HSPA4: variants seen among roughly 807,000 people sequenced by gnomAD.
The protein encoded by HSPA4 is heat shock 70 kDa protein 4.
HSPA4 carries 25 observed loss-of-function variants against 106.2 expected under a neutral mutation model. The ratio of observed to expected loss-of-function variants is 0.24; its 90% confidence interval spans 0.17 to 0.33. HSPA4 has a LOEUF of 0.33. Among genes scored for constraint, HSPA4 ranks in the 10% least tolerant of loss-of-function variants. The pLI is 1.00. For synonymous variants in HSPA4, 332 were observed against 333.6 expected (o/e 1.00, Z 0.05); for missense variants, 841 against 996.0 (o/e 0.84, Z 2.10).
Position 133,067,523 on chromosome 5 carries a change from T to A in HSPA4, c.272T>A (p.Ile91Asn), listed in dbSNP as rs143398800. The part of the protein sequence containing the change: ...EAEKSNLAYD[I>N]VQLPTGLTGI... Reference sequence around the variant, plus strand: ...GAAAAATCTAACCTTGCATATGATATTGTGCAGTTGCCTACAGGATTAACA... The same window carrying A: ...GAAAAATCTAACCTTGCATATGATAATGTGCAGTTGCCTACAGGATTAACA... The change falls in exon 3 of 19, where the codon ATT (isoleucine) becomes AAT (asparagine). Residue 91 changes from isoleucine (I) to asparagine (N), a missense_variant. Transcript: ENST00000304858. The A allele has an allele frequency of 1.2e-6, 2 of 1,613,776 alleles. No individual in the cohort carries two copies. Among genetic ancestry groups the A allele is most frequent in the Non-Finnish European group, 1.7e-6 (2 of 1,179,680 alleles).
intron 1 of HSPA4, among the ~76,000 whole-genome samples, chr5:133,053,516 TTTTA>T (rs2126689646): frequency 6.6e-6 from 1 of 151,926 alleles, no homozygotes; most frequent in African/African-American, 2.4e-5. Context: ...GCTTGGCTAA[TTTTA>T]TTTATTTTTA....
In HSPA4 at chr5:133,074,075, C is replaced by T; in HGVS notation, c.612C>T (p.Gly204=). Residue 204 remains glycine, a synonymous_variant, in exon 6 of 19, where the codon GGC becomes GGT. Transcript: ENST00000304858. The part of the protein sequence containing the change: ...KPRNVVFVDM[G]HSAYQVSVCA... ...GAAATGTAGTTTTTGTAGACATGGG[C>T]CACTCTGCTTATCAAGTTTCTGTAT... The T allele has an allele frequency of 6.2e-7, 1 of 1,605,564 alleles. No homozygotes were observed. Among genetic ancestry groups the T allele is most frequent in the Non-Finnish European group, 8.5e-7 (1 of 1,175,326 alleles).
chr5:133,057,407 G>A (rs1286240185), intron 1 of HSPA4, among the ~76,000 whole-genome samples: 5 of 149,280 alleles, frequency 3.3e-5, no homozygotes, highest in Non-Finnish European at 7.4e-5. Flanking sequence ...TGCTCAGGCT[G>A]GAGTGCAATG....
chr5:133,097,605 G>A (rs62375243), intron 15 of HSPA4, among the ~76,000 whole-genome samples: 36,792 of 146,388 alleles, frequency 0.25, 4,838 homozygotes, highest in African/African-American at 0.29. Context: ...CTGGAGTGCA[G>A]TGGCGTGATC....
intron 6 of HSPA4, among the ~76,000 whole-genome samples, chr5:133,074,813 C>T (rs1765427246): frequency 6.6e-6 from 1 of 152,208 alleles, no homozygotes; most frequent in Non-Finnish European, 1.5e-5. Flanking sequence ...TGATTGATCT[C>T]TGTCATAGTT....
Position 133,104,243 on chromosome 5 carries a change from G to C in HSPA4, c.2330G>C (p.Ser777Thr). 6.2e-7 allele frequency: 1 copy of C among 1,613,888 alleles called. No individual in the cohort carries two copies. Among genetic ancestry groups the C allele is most frequent in the Non-Finnish European group, 8.5e-7 (1 of 1,179,860 alleles). The change falls in exon 19 of 19, where the codon AGT (serine) becomes ACT (threonine). Residue 777 changes from serine to threonine, a missense_variant. Ser to Thr is a moderately conservative substitution (Grantham distance 58, BLOSUM62 1). Transcript: ENST00000304858. ...EIEAKIKELTSTCSPIISKPK... is the reference protein window; with the variant it reads ...EIEAKIKELTTTCSPIISKPK... ...TCTTACCCATTCCAGGAGCTGACAA[G>C]TACTTGTAGCCCTATAATTTCAAAG...
At chr5:133,083,282 A>T (rs76495289) in intron 7 of HSPA4, among the ~76,000 whole-genome samples, 36,123 of 151,906 alleles carry the variant, frequency 0.24, 4,439 homozygotes, top group Middle Eastern at 0.26. Context: ...ACTGCACTCC[A>T]GCCTGGGTGA....
rs1472292095 is a variant in HSPA4 at position 133,064,967 on chromosome 5, T to C, written c.108-13T>C. On this transcript the variant is annotated splice_polypyrimidine_tract_variant and intron_variant, in intron 1 of 18. Coordinates refer to ENST00000304858, the MANE Select transcript of HSPA4 (RefSeq NM_002154.4). ...GTAAGATTTAATTCTTAAGTGCTTT[T>C]TTTGTCTTCTAGGGCTTGCATTTCT... The C allele has an allele frequency of 2.5e-6, 4 of 1,611,298 alleles. No individual in the cohort carries two copies. The highest frequency in any genetic ancestry group is 3.4e-6 in the Non-Finnish European group (4 of 1,178,616).
At chr5:133,066,145 T>C (rs534295129) in intron 2 of HSPA4, among the ~76,000 whole-genome samples, 19 of 152,344 alleles carry the variant, frequency 1.2e-4, no homozygotes, top group African/African-American at 4.6e-4. Context: ...TTTTCATGAT[T>C]GAGAGACAGT....
intron 17 of HSPA4, among the ~76,000 whole-genome samples, chr5:133,103,235 G>A (rs374171696): frequency 1.3e-4 from 20 of 151,812 alleles, no homozygotes; most frequent in African/African-American, 4.8e-4. Flanking sequence ...GCTAATTTTT[G>A]TATTTTTTGT....
intron 7 of HSPA4, 65 bp from the exon 8 acceptor site, chr5:133,086,717 A>G: frequency 8.9e-7 from 1 of 1,120,442 alleles, no homozygotes; most frequent in Non-Finnish European, 1.4e-6. Context: ...ATAGCCATCC[A>G]TTCCACATAA....
chr5:133,077,050 T>G lies in HSPA4; in HGVS notation c.908+152T>G. ...TTAGAAGCCATTCAGGACCCTGCTTTTTATGTAAAGTTGGGTCTGGTTAAT... is the reference window on the plus strand; with the variant it reads ...TTAGAAGCCATTCAGGACCCTGCTTGTTATGTAAAGTTGGGTCTGGTTAAT... On this transcript the variant is annotated intron_variant, in intron 7 of 18. Coordinates refer to ENST00000304858, the MANE Select transcript of HSPA4 (RefSeq NM_002154.4). 4.6e-6 allele frequency: 3 copies of G among 655,434 alleles called. No individual in the cohort carries two copies. The South Asian group carries it at 6.5e-5, about 14-fold the overall frequency. The allele number at this position is 655,434 out of a possible 1,614,324, so 40.6% of individuals were successfully genotyped here.
intron 7 of HSPA4, among the ~76,000 whole-genome samples, chr5:133,082,394 A>G (rs1326083740): frequency 6.6e-6 from 1 of 152,208 alleles, no homozygotes; most frequent in Non-Finnish European, 1.5e-5. Context: ...TATACTTTAA[A>G]AATATTTTTG....
chr5:133,053,786 A>C (rs1276493015), intron 1 of HSPA4, among the ~76,000 whole-genome samples: 1 of 151,782 alleles, frequency 6.6e-6, no homozygotes, highest in Non-Finnish European at 1.5e-5. Context: ...CAGTCTCCTG[A>C]GGAGCTGGGA....
chr5:133,065,165 C>T (rs959573535), intron 2 of HSPA4, 128 bp downstream of exon 2: 7 of 705,742 alleles, frequency 9.9e-6, no homozygotes, highest in Non-Finnish European at 1.5e-5. Flanking sequence ...AGATACAGAC[C>T]TCTTCTCTGT....
intron 16 of HSPA4, among the ~76,000 whole-genome samples, chr5:133,100,389 T>C (rs1166899810): frequency 6.6e-6 from 1 of 151,280 alleles, no homozygotes; most frequent in African/African-American, 2.4e-5. Context: ...GTTTTGTATT[T>C]AAAGCATCTG....
At chr5:133,103,797 T>C in intron 17 of HSPA4, 68 bp from the exon 18 acceptor site, 1 of 1,292,514 alleles carries the variant, frequency 7.7e-7, no homozygotes, top group Non-Finnish European at 1.1e-6. Context: ...TGGCAGAAAC[T>C]AGACAGTAGT....
chr5:133,091,635 G>T (rs1765648784), intron 12 of HSPA4, among the ~76,000 whole-genome samples: 1 of 152,162 alleles, frequency 6.6e-6, no homozygotes, highest in African/African-American at 2.4e-5. Context: ...TCTGGTTGTT[G>T]AAGAGTGCTC....
chr5:133,097,266 G>C lies in HSPA4; in HGVS notation c.1909G>C (p.Glu637Gln). 1 of 1,612,956 alleles carries C rather than the reference G, an allele frequency of 6.2e-7. No individual in the cohort carries two copies. The highest frequency in any genetic ancestry group is 8.5e-7 in the Non-Finnish European group (1 of 1,179,192). Residue 637 changes from glutamate to glutamine, a missense_variant, in exon 15 of 19, where the codon GAG becomes CAG. Glu to Gln is a conservative substitution (Grantham distance 29). This residue lies in a region of HSPA4 where 328 missense variants were observed against 372.2 expected (regional missense o/e 0.88). Transcript: ENST00000304858. ...EMRDKLSGEYEKFVSEDDRNS... is the reference protein window; with the variant it reads ...EMRDKLSGEYQKFVSEDDRNS... ...GAGAGACAAGCTTAGTGGTGAATATGAGAAGTTTGTGAGTGAAGATGTAAG... is the reference window on the plus strand; with the variant it reads ...GAGAGACAAGCTTAGTGGTGAATATCAGAAGTTTGTGAGTGAAGATGTAAG...
Sources: gnomAD v4.1 joint callset for allele counts (sites outside exome capture counted in the v4.1 genomes callset) on GRCh38, gnomAD v4.1.1 for gene constraint, gnomAD v4.1.1 regional missense constraint, MANE v1.5 for transcripts, NCBI Gene and HGNC (gene_info 2026-07-23, HGNC 2026-07-21) for gene names.